EDRF1: variants seen among roughly 807,000 people sequenced by gnomAD.
EDRF1 encodes the protein erythroid differentiation-related factor 1.
A neutral mutation model predicts 148.7 loss-of-function variants in EDRF1; 69 were observed. That is an observed-to-expected ratio of 0.46 (90% confidence interval 0.38 to 0.57). The LOEUF (loss-of-function observed/expected upper bound fraction) is 0.57. Among genes scored for constraint, EDRF1 ranks in the 20% least tolerant of loss-of-function variants. The pLI, the probability that EDRF1 is intolerant of heterozygous loss-of-function variation, is 0.00. For synonymous variants in EDRF1, 515 were observed against 532.8 expected, an observed-to-expected ratio of 0.97 and a Z score of 0.46; for missense variants, 1,118 against 1,478.7, an observed-to-expected ratio of 0.76 and a Z score of 4.00.
chr10:125,727,922 C>T (rs889988426), intron 6 of EDRF1, among the ~76,000 whole-genome samples: 12 of 152,166 alleles, frequency 7.9e-5, no homozygotes, highest in Non-Finnish European at 8.8e-5. Context: ...CCAGGCTGGG[C>T]GCAGTGGCTT....
chr10:125,757,297 G>A (rs745705709), intron 24 of EDRF1, among the ~76,000 whole-genome samples: 7 of 152,048 alleles, frequency 4.6e-5, no homozygotes, highest in East Asian at 1.9e-4. Flanking sequence ...AGTATACATC[G>A]TTAATCTTTC....
Position 125,734,658 on chromosome 10 carries a change from T to G in EDRF1, c.1497+475T>G, listed in dbSNP as rs184716428. On this transcript the variant is annotated intron_variant, in intron 12 of 24. Transcript: ENST00000356792. ...TTTGTTAATATAAATAGGGTTCACA[T>G]TCCACACTTCAGGATATTAAAGCAT... Among the ~76,000 whole-genome samples, 437 of 152,220 alleles carry G rather than the reference T, an allele frequency of 2.9e-3. 1 individual carries two copies. The highest frequency in any genetic ancestry group is 3.4e-3 in the Middle Eastern group (1 of 294).
chr10:125,749,123 T>G, intron 21 of EDRF1: 1 of 417,842 alleles, frequency 2.4e-6, no homozygotes, highest in Non-Finnish European at 4.4e-6. Flanking sequence ...GGCGGGTGCC[T>G]GTAATCCCAG....
chr10:125,725,722 G>A lies in EDRF1; in HGVS notation c.676G>A (p.Ala226Thr), dbSNP rs751241892. ...AGCCGCTCAGCCTGTCTCATCCACC[G>A]CAGAACAGCAGGAATCGTCCAGTTC... ...DGAAQPVSSTAEQQESSSSDQ... is the reference protein window; with the variant it reads ...DGAAQPVSSTTEQQESSSSDQ... The change falls in exon 6 of 25, where the codon GCA (alanine) becomes ACA (threonine). Residue 226 changes from alanine (A) to threonine (T), a missense_variant. Coordinates refer to ENST00000356792, the MANE Select transcript of EDRF1 (RefSeq NM_001202438.2). 29 of 1,613,832 alleles carry A rather than the reference G, an allele frequency of 1.8e-5. No homozygotes were observed. The highest frequency in any genetic ancestry group is 2.2e-5 in the South Asian group (2 of 91,062).
At chr10:125,740,680 T>A in intron 16 of EDRF1, 29 bp downstream of exon 16, 1 of 1,602,706 alleles carries the variant, frequency 6.2e-7, no homozygotes, top group Non-Finnish European at 8.5e-7. Context: ...ATATGTTTAA[T>A]AGGCACTGGG....
intron 24 of EDRF1, chr10:125,761,208 AT>A: frequency 1.0e-5 from 4 of 394,026 alleles, no homozygotes; most frequent in South Asian, 4.0e-5. Flanking sequence ...TTTAAAAAAA[AT>A]TTTTGTTTTC....
chr10:125,751,636 C>T (rs1321294113), intron 22 of EDRF1, among the ~76,000 whole-genome samples: 2 of 152,204 alleles, frequency 1.3e-5, no homozygotes, highest in African/African-American at 4.8e-5. Flanking sequence ...ATTCTCTCCC[C>T]ACCCGCAGAG....
intron 24 of EDRF1, among the ~76,000 whole-genome samples, chr10:125,756,315 CTTCTT>C (rs1849895091): frequency 6.6e-6 from 1 of 152,112 alleles, no homozygotes; most frequent in East Asian, 1.9e-4. Flanking sequence ...TGTTTGTTCT[CTTCTT>C]TCACGTTTGT....
At chr10:125,728,230 A>G (rs892048876) in intron 6 of EDRF1, among the ~76,000 whole-genome samples, 1 of 152,022 alleles carries the variant, frequency 6.6e-6, no homozygotes, top group African/African-American at 2.4e-5. Flanking sequence ...ATATCTTAAG[A>G]ACAAAAAGTG....
At chr10:125,722,964 A>G (rs1848078091) in intron 2 of EDRF1, 104 bp from the exon 3 acceptor site, 1 of 996,860 alleles carries the variant, frequency 1.0e-6, no homozygotes, top group African/African-American at 1.6e-5. Flanking sequence ...AAAATGTGGA[A>G]AATGTGTATC....
chr10:125,760,965 C>T (rs1213657863), intron 24 of EDRF1, among the ~76,000 whole-genome samples: 3 of 152,174 alleles, frequency 2.0e-5, no homozygotes, highest in African/African-American at 7.2e-5. Context: ...GCAAATGCTG[C>T]ACCATTTTAT....
At position 125,729,045 on chromosome 10, in the gene EDRF1, G is replaced by C. The variant is rs1239854181; in HGVS notation, c.835G>C (p.Ala279Pro). Residue 279 changes from alanine (A) to proline (P), a missense_variant, in exon 7 of 25, where the codon GCC (alanine) becomes CCC (proline). By Grantham distance (27) the Ala-to-Pro change is conservative (BLOSUM62 -1). Transcript: ENST00000356792. ...ACCCTCATACATAGTGGGGCATGTGGCCTCAGCCCCCAAAGAACAAAACCT... is the reference window on the plus strand; with the variant it reads ...ACCCTCATACATAGTGGGGCATGTGCCCTCAGCCCCCAAAGAACAAAACCT... ...LEPSYIVGHV[A>P]SAPKEQNLIT... is the part of the protein sequence containing the mutation. The C allele has an allele frequency of 6.3e-7, 1 of 1,583,124 alleles. No individual in the cohort carries two copies. Among genetic ancestry groups the C allele is most frequent in the East Asian group, 2.3e-5 (1 of 44,428 alleles).
Position 125,753,817 on chromosome 10 carries a change from C to T in EDRF1, c.3517C>T (p.Leu1173=), listed in dbSNP as rs1465152091. ...ATTTCTTCTCCTTCAGTCCATTAAACTGCTATCTTCAACTAAAAAGAAAAC... is the reference window on the plus strand; with the variant it reads ...ATTTCTTCTCCTTCAGTCCATTAAATTGCTATCTTCAACTAAAAAGAAAAC... ...LSFLLLQSIK[L]LSSTKKKTSN... Residue 1173 remains leucine (L), a synonymous_variant, in exon 24 of 25, where the codon CTG becomes TTG. Coordinates refer to ENST00000356792, the MANE Select transcript of EDRF1 (RefSeq NM_001202438.2). 3.2e-5 allele frequency: 52 copies of T among 1,613,150 alleles called. No homozygotes were observed. Among genetic ancestry groups the T allele is most frequent in the Non-Finnish European group, 4.3e-5 (51 of 1,179,992 alleles).
chr10:125,744,570 G>C lies in EDRF1; in HGVS notation c.2591-1137G>C, dbSNP rs1849235553. On this transcript the variant is annotated intron_variant, in intron 18 of 24. Coordinates refer to ENST00000356792, the MANE Select transcript of EDRF1 (RefSeq NM_001202438.2). ...GAGTTCATTGCTAGTGGGAGAACCT[G>C]TGCATTTACGGTGCATCTGGAGGGG... Among the ~76,000 whole-genome samples, 3 of 152,182 alleles carry C rather than the reference G, an allele frequency of 2.0e-5. No homozygotes were observed. The South Asian group carries it at 6.2e-4, about 32-fold the overall frequency.
Position 125,719,931 on chromosome 10 carries a change from AGG to A in EDRF1, c.108+20_108+21del, listed in dbSNP as rs749319293. 6.2e-7 allele frequency: 1 copy of A among 1,606,024 alleles called. No homozygotes were observed. The highest frequency in any genetic ancestry group is 1.7e-5 in the Admixed American group (1 of 59,750). ...TTCTGCACAGGTGAGTCCTCCGCGG[AGG>A]GGGACCTGCCAGGGATGTGGGAGCG... On this transcript the variant is annotated intron_variant, in intron 1 of 24. Coordinates refer to ENST00000356792, the MANE Select transcript of EDRF1 (RefSeq NM_001202438.2).
intron 24 of EDRF1, among the ~76,000 whole-genome samples, chr10:125,759,912 G>A (rs375929143): frequency 7.9e-5 from 12 of 152,132 alleles, no homozygotes; most frequent in East Asian, 1.9e-4. Context: ...GGGTTTCACC[G>A]TGTTAGCCAG....
At position 125,749,686 on chromosome 10, in the gene EDRF1, A is replaced by G. The variant is rs528813091; in HGVS notation, c.3277+121A>G. 50 of 1,200,786 alleles carry G rather than the reference A, an allele frequency of 4.2e-5. 1 individual carries two copies. The South Asian group carries it at 6.1e-4, about 15-fold the overall frequency. The allele number at this position is 1,200,786 out of a possible 1,614,324, so 74.4% of individuals were successfully genotyped here. On this transcript the variant is annotated intron_variant, in intron 22 of 24. Transcript: ENST00000356792. Reference sequence around the variant, plus strand: ...TTTCTTTTTAATTTGCCCCATAGTTAATGACTTCGGGTAGAGAGGGTGAGA... The same window carrying G: ...TTTCTTTTTAATTTGCCCCATAGTTGATGACTTCGGGTAGAGAGGGTGAGA...
intron 24 of EDRF1, among the ~76,000 whole-genome samples, chr10:125,758,435 G>A (rs1850023190): frequency 6.6e-6 from 1 of 152,142 alleles, no homozygotes; most frequent in Non-Finnish European, 1.5e-5. Context: ...ATGTATGATA[G>A]TAGAGACCAA....
Position 125,733,807 on chromosome 10 carries a change from TCA to T in EDRF1, c.1385+67_1385+68del, listed in dbSNP as rs1264288856. On this transcript the variant is annotated intron_variant, in intron 11 of 24. Transcript: ENST00000356792. ...TTATATAAAGTTTTAAAGCATACAG[TCA>T]CAGTTTCCAAACCAAGGCTTTTAAA... 7 of 1,452,556 alleles carry T rather than the reference TCA, an allele frequency of 4.8e-6. No individual in the cohort carries two copies. The East Asian group carries it at 6.9e-5, about 14-fold the overall frequency. The allele number at this position is 1,452,556 out of a possible 1,614,324, so 90.0% of individuals were successfully genotyped here.
Sources: allele counts gnomAD v4.1 joint callset (sites outside exome capture counted in the v4.1 genomes callset), GRCh38; gene constraint gnomAD v4.1.1; transcripts MANE v1.5; gene names NCBI Gene and HGNC (gene_info 2026-07-23, HGNC 2026-07-21).